The following CERS6 variants were observed in gnomAD, a reference collection of about 807,000 sequenced individuals.
CERS6 encodes the protein LAG1 homolog, ceramide synthase 6.
In CERS6, 26 loss-of-function variants were observed where a neutral mutation model predicts 56.8. The observed-to-expected ratio is 0.46, with a 90% CI of 0.34 to 0.63. CERS6 has a LOEUF of 0.63. Among genes scored for constraint, CERS6 ranks in the 30% least tolerant of loss-of-function variants. The pLI is 0.01. For missense variants in CERS6, 415 were observed against 467.5 expected (o/e 0.89, Z 1.04); for synonymous variants, 164 against 173.3 (o/e 0.95, Z 0.42).
intron 1 of CERS6, among the ~76,000 whole-genome samples, chr2:168,525,748 T>A (rs1695060423): frequency 6.6e-6 from 1 of 152,230 alleles, no homozygotes; most frequent in South Asian, 2.1e-4. Context: ...AATGCCCTTT[T>A]CTTACAATTA....
intron 7 of CERS6, 59 bp downstream of exon 7, chr2:168,715,188 C>G: frequency 1.4e-6 from 2 of 1,476,898 alleles, no homozygotes; most frequent in Non-Finnish European, 1.9e-6. Flanking sequence ...AGTCCCCAAT[C>G]TCATTAGCTC....
At chr2:168,684,659 AAT>A (rs1686301835) in intron 4 of CERS6, among the ~76,000 whole-genome samples, 1 of 152,212 alleles carries the variant, frequency 6.6e-6, no homozygotes, top group African/African-American at 2.4e-5. Flanking sequence ...GTTGAGAGGC[AAT>A]CACAGATCAC....
intron 8 of CERS6, among the ~76,000 whole-genome samples, chr2:168,759,009 T>G (rs1684493002): frequency 6.6e-6 from 1 of 152,114 alleles, no homozygotes; most frequent in African/African-American, 2.4e-5. Flanking sequence ...ACATATCCCT[T>G]ATGTCTATGA....
chr2:168,613,202 A>G (rs1315885805), intron 3 of CERS6, among the ~76,000 whole-genome samples: 2 of 152,094 alleles, frequency 1.3e-5, no homozygotes, highest in African/African-American at 2.4e-5. Context: ...GGAGAAAGAT[A>G]ATATGTTTTG....
At chr2:168,519,724 T>C (rs749925155) in intron 1 of CERS6, among the ~76,000 whole-genome samples, 5 of 152,226 alleles carry the variant, frequency 3.3e-5, no homozygotes, top group Non-Finnish European at 5.9e-5. Context: ...TTCATTCTTT[T>C]TTTATGGCTG....
chr2:168,482,583 A>G (rs1191674859), intron 1 of CERS6, among the ~76,000 whole-genome samples: 6 of 152,266 alleles, frequency 3.9e-5, no homozygotes, highest in South Asian at 2.1e-4. Flanking sequence ...CAACTGCGTC[A>G]GCTTCAAAGG....
intron 3 of CERS6, among the ~76,000 whole-genome samples, chr2:168,563,767 A>G (rs982509391): frequency 2.6e-5 from 4 of 152,194 alleles, no homozygotes; most frequent in Admixed American, 6.5e-5. Context: ...ACTGCACTCC[A>G]GCTTGGGCGA....
chr2:168,718,426 C>G (rs1687280955), intron 8 of CERS6, among the ~76,000 whole-genome samples: 1 of 152,212 alleles, frequency 6.6e-6, no homozygotes, highest in Admixed American at 6.5e-5. Context: ...CCACCCCAGG[C>G]CCACTGAGTG....
At chr2:168,508,812 T>C (rs892337192) in intron 1 of CERS6, among the ~76,000 whole-genome samples, 1 of 152,216 alleles carries the variant, frequency 6.6e-6, no homozygotes, top group Non-Finnish European at 1.5e-5. Flanking sequence ...TATACCTATG[T>C]AACAAACCTG....
At chr2:168,685,661 C>G (rs1192616133) in intron 4 of CERS6, among the ~76,000 whole-genome samples, 1 of 152,060 alleles carries the variant, frequency 6.6e-6, no homozygotes, top group Non-Finnish European at 1.5e-5. Flanking sequence ...ATAAATTGCA[C>G]TCGATTCTTA....
chr2:168,496,337 G>GT (rs1367568937), intron 1 of CERS6, among the ~76,000 whole-genome samples: 9 of 150,480 alleles, frequency 6.0e-5, no homozygotes, highest in African/African-American at 2.2e-4. Context: ...TGGAAGTCAT[G>GT]ATTTTTTTTT....
intron 3 of CERS6, among the ~76,000 whole-genome samples, chr2:168,581,311 G>A (rs144542779): frequency 9.7e-4 from 148 of 152,314 alleles, no homozygotes; most frequent in Middle Eastern, 3.4e-3. Context: ...GAGCCACCAT[G>A]CCTGGCCCAA....
At chr2:168,678,284 C>T (rs764121751) in intron 4 of CERS6, among the ~76,000 whole-genome samples, 8 of 152,150 alleles carry the variant, frequency 5.3e-5, no homozygotes, top group African/African-American at 9.7e-5. Context: ...CTTCGCGAAT[C>T]GCTGCCTGAG....
intron 9 of CERS6, among the ~76,000 whole-genome samples, chr2:168,766,135 C>G (rs958480449): frequency 6.6e-6 from 1 of 152,224 alleles, no homozygotes; most frequent in South Asian, 2.1e-4. Flanking sequence ...AACTGAAAAA[C>G]AAATCTGTTC....
At chr2:168,678,999 A>G (rs566931119) in intron 4 of CERS6, among the ~76,000 whole-genome samples, 18 of 152,258 alleles carry the variant, frequency 1.2e-4, no homozygotes, top group Non-Finnish European at 2.2e-4. Flanking sequence ...CTATTTGGCC[A>G]TGAAAAAGAA....
intron 4 of CERS6, among the ~76,000 whole-genome samples, chr2:168,661,243 C>CG (rs1685622132): frequency 6.6e-6 from 1 of 152,098 alleles, no homozygotes; most frequent in African/African-American, 2.4e-5. Context: ...TATTTAAACT[C>CG]GCTATCATTG....
chr2:168,768,070 A>C lies in CERS6; in HGVS notation c.1003-1440A>C, dbSNP rs183580682. On this transcript the variant is annotated intron_variant, in intron 9 of 9. Coordinates refer to ENST00000305747, the MANE Select transcript of CERS6 (RefSeq NM_203463.3). ...AAGCAGTATTTTCTTAATTTCCCCCAAAAACTACTTCCTTGCTAAATAGTA... is the reference window on the plus strand; with the variant it reads ...AAGCAGTATTTTCTTAATTTCCCCCCAAAACTACTTCCTTGCTAAATAGTA... 9.2e-5 allele frequency among the ~76,000 whole-genome samples: 14 copies of C among 152,292 alleles called. 1 individual carries two copies. In the East Asian group the frequency reaches 2.1e-3, roughly 23 times the overall value.
chr2:168,480,238 G>T lies in CERS6; in HGVS notation c.170+23620G>T, dbSNP rs748572481. ...ATCTAGATATGCCAGTGGAGTAAAA[G>T]TATAGGGAGTCTTCCCCAATGTCTT... On this transcript the variant is annotated intron_variant, in intron 1 of 9. Transcript: ENST00000305747. Among the ~76,000 whole-genome samples, 73 of 152,206 alleles carry T rather than the reference G, an allele frequency of 4.8e-4. 3 individuals carry two copies. The highest frequency in any genetic ancestry group is 3.9e-4 in the Admixed American group (6 of 15,278).
chr2:168,464,172 TTTTGTG>T (rs1264303265), intron 1 of CERS6, among the ~76,000 whole-genome samples: 1 of 68,906 alleles, frequency 1.5e-5, no homozygotes, highest in African/African-American at 5.0e-5. Context: ...TATTTATACT[TTTTGTG>T]TGTGTGTGTG....
Sources: allele counts gnomAD v4.1 joint callset (sites outside exome capture counted in the v4.1 genomes callset), GRCh38; gene constraint gnomAD v4.1.1; transcripts MANE v1.5; gene names NCBI Gene and HGNC (gene_info 2026-07-23, HGNC 2026-07-21).